NTRK1: variants seen among roughly 807,000 people sequenced by gnomAD.
NTRK1 encodes neurotrophic receptor tyrosine kinase 1.
In NTRK1, 62 loss-of-function variants were observed where a neutral mutation model predicts 86.8. The observed-to-expected ratio is 0.71, with a 90% CI of 0.58 to 0.88. The LOEUF (loss-of-function observed/expected upper bound fraction) is 0.88. Among genes scored for constraint, NTRK1 ranks in the 40% least tolerant of loss-of-function variants. The pLI, the probability that NTRK1 is intolerant of heterozygous loss-of-function variation, is 0.00. For missense variants in NTRK1, 967 were observed against 1,078.4 expected, an observed-to-expected ratio of 0.90 and a Z score of 1.45; for synonymous variants, 469 against 456.6, an observed-to-expected ratio of 1.03 and a Z score of -0.35.
chr1:156,834,071 G>A (rs567490874), intron 1 of NTRK1, among the ~76,000 whole-genome samples: 1 of 152,246 alleles, frequency 6.6e-6, no homozygotes, highest in South Asian at 2.1e-4. Context: ...TTATCTCTCT[G>A]TGGAAATACC....
upstream of NTRK1, among the ~76,000 whole-genome samples, chr1:156,857,947 T>C (rs1192875845): frequency 6.6e-6 from 1 of 152,124 alleles, no homozygotes; most frequent in Non-Finnish European, 1.5e-5. Flanking sequence ...AACGTACTGA[T>C]GGGCAGTATC....
chr1:156,863,829 G>A (rs1289450360), intron 1 of NTRK1, among the ~76,000 whole-genome samples: 1 of 152,204 alleles, frequency 6.6e-6, no homozygotes, highest in Non-Finnish European at 1.5e-5. Context: ...GTGGTAGCAA[G>A]TGTTTCAGTA....
At chr1:156,824,802 C>T (rs1344300021) in intron 1 of NTRK1, among the ~76,000 whole-genome samples, 1 of 152,202 alleles carries the variant, frequency 6.6e-6, no homozygotes, top group African/African-American at 2.4e-5. Flanking sequence ...CTTTATCCAC[C>T]ATGGTGATTC....
chr1:156,880,331 C>A, intron 16 of NTRK1, 174 bp downstream of exon 16: 1 of 679,378 alleles, frequency 1.5e-6, no homozygotes, highest in Admixed American at 2.6e-5. Context: ...TTCTTCTCTT[C>A]CTCCCTTATT....
rs778801552 is a variant in NTRK1 at position 156,843,487 on chromosome 1, G to C, written c.50+1294G>C. On this transcript the variant is annotated intron_variant, in intron 2 of 16. Coordinates refer to the NTRK1 transcript ENST00000392302. Reference sequence around the variant, plus strand: ...GCATACAGGGTTCTGTTTCTGCAACGGGAGGTGAGGGGGTCAGGCTGGAAG... The same window carrying C: ...GCATACAGGGTTCTGTTTCTGCAACCGGAGGTGAGGGGGTCAGGCTGGAAG... 4 of 1,614,106 alleles carry C rather than the reference G, an allele frequency of 2.5e-6. No homozygotes were observed. The South Asian group carries it at 3.3e-5, about 13-fold the overall frequency.
Position 156,868,185 on chromosome 1 carries a change from GC to G in NTRK1, c.512del (p.Pro171LeufsTer26). 6.2e-7 allele frequency: 1 copy of G among 1,613,560 alleles called. No homozygotes were observed. Among genetic ancestry groups the G allele is most frequent in the Non-Finnish European group, 8.5e-7 (1 of 1,180,046 alleles). On this transcript the variant is annotated frameshift_variant, in exon 5 of 17. Transcript: ENST00000524377. LOFTEE classifies it high-confidence loss of function. ...RWEEEGLGGV[P>X]EQKLQCHGQG... ...GGGAGGAGGAGGGACTGGGCGGAGT[GC>G]CTGAACAGAAGCTGCAGTGTCATGG...
intron 3 of NTRK1, among the ~76,000 whole-genome samples, chr1:156,865,759 C>G (rs1655901245): frequency 6.6e-6 from 1 of 152,104 alleles, no homozygotes. Context: ...CCTCCCTGGC[C>G]TTCTGAGGGC....
intron 2 of NTRK1, chr1:156,851,735 G>A: frequency 6.2e-7 from 1 of 1,614,196 alleles, no homozygotes; most frequent in African/African-American, 1.3e-5. Context: ...GATGGTCTTG[G>A]TGCCTACCTT....
intron 2 of NTRK1, chr1:156,845,383 CTTG>C: frequency 6.4e-7 from 1 of 1,571,690 alleles, no homozygotes; most frequent in Non-Finnish European, 8.6e-7. Flanking sequence ...TTTGGGGGCT[CTTG>C]TTGATGGACG....
chr1:156,861,197 G>A (rs2102879835), intron 1 of NTRK1, 51 bp downstream of exon 1: 1 of 1,522,298 alleles, frequency 6.6e-7, no homozygotes, highest in African/African-American at 1.4e-5. Context: ...AGGCATTGCA[G>A]TGCCCCGAGG....
chr1:156,824,050 C>A (rs1261546436), intron 1 of NTRK1, among the ~76,000 whole-genome samples: 5 of 152,192 alleles, frequency 3.3e-5, no homozygotes, highest in Non-Finnish European at 7.4e-5. Context: ...TGCAAATGCT[C>A]CCTAGTCCTG....
intron 7 of NTRK1, among the ~76,000 whole-genome samples, chr1:156,872,265 C>A (rs1441240176): frequency 6.6e-6 from 1 of 152,042 alleles, no homozygotes; most frequent in South Asian, 2.1e-4. Flanking sequence ...TTACTCTTAC[C>A]AGCATCACGG....
At chr1:156,842,743 C>G (rs1654845599) in intron 2 of NTRK1, among the ~76,000 whole-genome samples, 1 of 152,168 alleles carries the variant, frequency 6.6e-6, no homozygotes. Context: ...TGAGCCCAAT[C>G]AGGACTCTAA....
At chr1:156,838,306 G>C (rs1212259396) in intron 1 of NTRK1, among the ~76,000 whole-genome samples, 1 of 151,256 alleles carries the variant, frequency 6.6e-6, no homozygotes, top group Non-Finnish European at 1.5e-5. Context: ...CACAGGGACA[G>C]TTTTGAGGGA....
chr1:156,854,265 G>A lies in NTRK1; in HGVS notation c.51-10089G>A. 1 of 1,613,476 alleles carries A rather than the reference G, an allele frequency of 6.2e-7. No homozygotes were observed. The highest frequency in any genetic ancestry group is 1.7e-4 in the Middle Eastern group (1 of 6,054). On this transcript the variant is annotated intron_variant, in intron 2 of 16. Transcript: ENST00000392302. This position sits in a 1 kb window ranked among gnomAD's most constrained non-coding sequence, Gnocchi z 4.2. ...ACGCTGCAGTTCTCCAGCTGACGAA[G>A]CTCTGCCACCTCTGAGCGAATATCC...
At chr1:156,846,524 G>A in intron 2 of NTRK1, 1 of 1,613,224 alleles carries the variant, frequency 6.2e-7, no homozygotes, top group Non-Finnish European at 8.5e-7. Flanking sequence ...CCTACCTGCA[G>A]GCAGCGTTCG....
chr1:156,828,042 G>C (rs1654369091), intron 1 of NTRK1, among the ~76,000 whole-genome samples: 1 of 152,010 alleles, frequency 6.6e-6, no homozygotes, highest in South Asian at 2.1e-4. Flanking sequence ...CAAACTCCTG[G>C]GCTGAAGCAA....
chr1:156,871,777 G>A (rs376963535), intron 7 of NTRK1, 22 bp downstream of exon 7: 16 of 1,613,978 alleles, frequency 9.9e-6, no homozygotes, highest in African/African-American at 2.7e-5. Context: ...TGGCAGCTCC[G>A]GCACCCACCC....
rs768100152 is a variant in NTRK1 at position 156,861,079 on chromosome 1, C to G, written c.145C>G (p.Arg49Gly). The change falls in exon 1 of 17, where the codon CGA becomes GGA. Residue 49 changes from arginine to glycine, a missense_variant. Arg to Gly is a moderately radical substitution (Grantham distance 125). Around this residue, in one of 2 missense-constraint regions of NTRK1, gnomAD observed 330 missense variants for 302.0 expected, o/e 1.09. Transcript: ENST00000524377. The stretch of plus-strand genomic sequence containing the variant: ...CTGCCCCCACGGCTCCTCGGGACTG[C>G]GATGCACCCGGGATGGGGCCCTGGA... ...ACCPHGSSGL[R>G]CTRDGALDSL... 8.9e-6 allele frequency: 14 copies of G among 1,577,054 alleles called. No homozygotes were observed. In the East Asian group the frequency reaches 1.4e-4, roughly 15 times the overall value.
Sources: allele counts gnomAD v4.1 joint callset (sites outside exome capture counted in the v4.1 genomes callset), GRCh38; gene constraint gnomAD v4.1.1; regional missense constraint gnomAD v4.1.1; non-coding constraint Gnocchi (gnomAD v3.1); transcripts MANE v1.5; gene names NCBI Gene and HGNC (gene_info 2026-07-23, HGNC 2026-07-21).